AKR1D1: variants seen among roughly 807,000 people sequenced by gnomAD.
The protein encoded by AKR1D1 is aldo-keto reductase family 1 member D1.
Under a neutral mutation model 42.6 loss-of-function variants are expected in AKR1D1, and 32 were observed. The observed-to-expected ratio is 0.75, with a 90% CI of 0.57 to 1.01. AKR1D1 has a LOEUF of 1.01. AKR1D1 is among the 50% of genes least tolerant of loss of function. The pLI is 0.00. For missense variants in AKR1D1, 364 were observed against 402.2 expected (o/e 0.91, Z 0.81); for synonymous variants, 123 against 135.5 (o/e 0.91, Z 0.64).
intron 2 of AKR1D1, chr7:138,091,414 C>T (rs1794075003): frequency 3.0e-6 from 1 of 332,572 alleles, no homozygotes; most frequent in South Asian, 2.5e-5. Flanking sequence ...CACTCCCCTA[C>T]TAGAACCTCC....
intron 3 of AKR1D1, among the ~76,000 whole-genome samples, chr7:138,093,583 C>T (rs185796738): frequency 6.2e-4 from 95 of 152,242 alleles, no homozygotes; most frequent in Non-Finnish European, 9.7e-4. Context: ...AGCAATAACA[C>T]GCATGGAGCT....
chr7:138,079,848 A>G (rs989110389), intron 1 of AKR1D1, among the ~76,000 whole-genome samples: 25 of 152,224 alleles, frequency 1.6e-4, no homozygotes, highest in Non-Finnish European at 2.9e-4. Context: ...TACAGGACTC[A>G]GCAGCAATGT....
At chr7:138,087,819 G>A (rs571088432) in intron 1 of AKR1D1, among the ~76,000 whole-genome samples, 27 of 151,916 alleles carry the variant, frequency 1.8e-4, no homozygotes, top group South Asian at 4.2e-4. Context: ...TTTTTGGTCC[G>A]GCTTCTTTCA....
chr7:138,080,449 G>A (rs1803030848), intron 1 of AKR1D1, among the ~76,000 whole-genome samples: 1 of 152,180 alleles, frequency 6.6e-6, no homozygotes, highest in Non-Finnish European at 1.5e-5. Context: ...TGCCTTTAGG[G>A]TGGGGGTGCC....
At chr7:138,094,436 G>T (rs1427864786) in intron 3 of AKR1D1, among the ~76,000 whole-genome samples, 1 of 152,160 alleles carries the variant, frequency 6.6e-6, no homozygotes, top group Non-Finnish European at 1.5e-5. Context: ...GATCACTTGA[G>T]CTGGGGAGGT....
At chr7:138,094,750 C>T (rs1213865273) in intron 3 of AKR1D1, among the ~76,000 whole-genome samples, 2 of 152,146 alleles carry the variant, frequency 1.3e-5, no homozygotes, top group African/African-American at 2.4e-5. Flanking sequence ...GAACTCCTGG[C>T]CTCAAGCCAT....
chr7:138,109,406 C>T (rs1794494927), intron 7 of AKR1D1, among the ~76,000 whole-genome samples: 1 of 152,184 alleles, frequency 6.6e-6, no homozygotes, highest in Non-Finnish European at 1.5e-5. Context: ...CAATTCCTAA[C>T]AGCTCCAGGA....
chr7:138,115,704 A>G (rs1434926561), intron 8 of AKR1D1, among the ~76,000 whole-genome samples: 1 of 152,246 alleles, frequency 6.6e-6, no homozygotes, highest in Non-Finnish European at 1.5e-5. Context: ...GATTTTTAAC[A>G]TTTGAAAATC....
At chr7:138,085,829 G>A (rs1402555162) in intron 1 of AKR1D1, among the ~76,000 whole-genome samples, 4 of 151,888 alleles carry the variant, frequency 2.6e-5, no homozygotes, top group South Asian at 4.2e-4. Context: ...ACTTTAATAC[G>A]CATTTGTCTG....
At chr7:138,100,303 T>C (rs963420623) in intron 4 of AKR1D1, among the ~76,000 whole-genome samples, 1 of 151,852 alleles carries the variant, frequency 6.6e-6, no homozygotes, top group Admixed American at 6.6e-5. Flanking sequence ...ATATCAATAA[T>C]TGCAGTATAT....
intron 4 of AKR1D1, among the ~76,000 whole-genome samples, chr7:138,104,395 A>G (rs1794374944): frequency 1.3e-5 from 2 of 152,058 alleles, no homozygotes; most frequent in African/African-American, 4.8e-5. Context: ...CACATATACC[A>G]GAATGTTTAT....
Position 138,102,008 on chromosome 7 carries a change from C to T in AKR1D1, c.457-3299C>T, listed in dbSNP as rs1310610445. Among the ~76,000 whole-genome samples, 13 of 152,124 alleles carry T rather than the reference C, an allele frequency of 8.5e-5. No homozygotes were observed. In the East Asian group the frequency reaches 2.1e-3, roughly 25 times the overall value. On this transcript the variant is annotated intron_variant, in intron 4 of 8. Transcript: ENST00000242375. ...GGTGGATCACATGAGGCCAGGAGTT[C>T]GAGACCAGCCTGGGCAACATGGCAA...
chr7:138,103,408 T>C (rs1030650080), intron 4 of AKR1D1, among the ~76,000 whole-genome samples: 22 of 152,172 alleles, frequency 1.4e-4, no homozygotes, highest in Non-Finnish European at 4.4e-5. Context: ...CGTGTGAACA[T>C]GCTAAGTTAT....
intron 3 of AKR1D1, among the ~76,000 whole-genome samples, chr7:138,092,894 G>C (rs1236362070): frequency 6.6e-6 from 1 of 152,126 alleles, no homozygotes; most frequent in Non-Finnish European, 1.5e-5. Flanking sequence ...TACTGTACAT[G>C]ACTGGAGACT....
In AKR1D1 at chr7:138,107,546, G is replaced by A; in HGVS notation, c.821G>A (p.Ser274Asn). The stretch of plus-strand genomic sequence containing the variant: ...CGAGGGGTGGTTGTCATTCCTAAAA[G>A]CTTTAATCTTGAAAGGATCAAAGAA... ...IQRGVVVIPKSFNLERIKENF... is the reference protein window; with the variant it reads ...IQRGVVVIPKNFNLERIKENF... The change falls in exon 7 of 9, where the codon AGC becomes AAC. Residue 274 changes from serine to asparagine, a missense_variant. Transcript: ENST00000242375. 1 of 1,614,064 alleles carries A rather than the reference G, an allele frequency of 6.2e-7. No individual in the cohort carries two copies. Among genetic ancestry groups the A allele is most frequent in the Non-Finnish European group, 8.5e-7 (1 of 1,179,990 alleles).
chr7:138,087,460 T>C (rs1793954981), intron 1 of AKR1D1, among the ~76,000 whole-genome samples: 1 of 152,224 alleles, frequency 6.6e-6, no homozygotes. Context: ...TGAACAAACC[T>C]GTAGCTACCA....
At chr7:138,096,877 A>T (rs1794194629) in intron 3 of AKR1D1, among the ~76,000 whole-genome samples, 1 of 152,192 alleles carries the variant, frequency 6.6e-6, no homozygotes, top group African/African-American at 2.4e-5. Context: ...TGTGGATTTA[A>T]TACCATTTTA....
At position 138,106,691 on chromosome 7, in the gene AKR1D1, T is replaced by G; in HGVS notation, c.663T>G (p.Pro221=). ...QHDIVITAYS[P]LGTSRNPIWV... Reference sequence around the variant, plus strand: ...ACATTGTCATTACTGCATATAGCCCTTTGGGGACCAGTAGGAATCCAATCT... The same window carrying G: ...ACATTGTCATTACTGCATATAGCCCGTTGGGGACCAGTAGGAATCCAATCT... Residue 221 remains proline, a synonymous_variant, in exon 6 of 9, where the codon CCT becomes CCG. Coordinates refer to ENST00000242375, the MANE Select transcript of AKR1D1 (RefSeq NM_005989.4). 1 of 1,613,414 alleles carries G rather than the reference T, an allele frequency of 6.2e-7. No homozygotes were observed. The highest frequency in any genetic ancestry group is 8.5e-7 in the Non-Finnish European group (1 of 1,179,364).
chr7:138,105,673 G>C (rs113583659), intron 5 of AKR1D1, among the ~76,000 whole-genome samples: 2 of 152,252 alleles, frequency 1.3e-5, no homozygotes, highest in African/African-American at 4.8e-5. Flanking sequence ...GCGATCACGA[G>C]GTCGGGAGTT....
Sources: allele counts gnomAD v4.1 joint callset (sites outside exome capture counted in the v4.1 genomes callset), GRCh38; gene constraint gnomAD v4.1.1; transcripts MANE v1.5; gene names NCBI Gene and HGNC (gene_info 2026-07-23, HGNC 2026-07-21).